Variants in NUP50 observed in about 807,000 individuals in gnomAD.
NUP50 encodes nuclear pore complex protein Nup50.
NUP50 carries 14 observed loss-of-function variants against 36.8 expected under a neutral mutation model. That is an observed-to-expected ratio of 0.38 (90% CI 0.25 to 0.59). The LOEUF is 0.59. Ranked by LOEUF, NUP50 falls within the 20% of genes least tolerant of loss-of-function variation. The probability of loss-of-function intolerance (pLI) is 0.63; values close to 1 mark genes in which losing one functional copy is unlikely to be tolerated. For missense variants in NUP50, 455 were observed against 564.6 expected (o/e 0.81, Z 1.97); for synonymous variants, 195 against 210.8 (o/e 0.93, Z 0.65).
rs1345479002 is a variant in NUP50, at chr22:45,186,982, T to TA, written c.*2328dup. 6.6e-6 allele frequency: 1 copy of TA among 152,230 alleles called. No homozygotes were observed. Among genetic ancestry groups the TA allele is most frequent in the Non-Finnish European group, 1.5e-5 (1 of 68,046 alleles). 9.4% of individuals were successfully genotyped at this position (152,230 alleles called of 1,614,324 possible). ...AACAGGTAATTCTGATTTATGCGTT[T>TA]AGTTTGACTTATTTTTAACAAAATA... On this transcript the variant is annotated 3_prime_UTR_variant, in exon 8 of 8. Coordinates refer to ENST00000347635, the MANE Select transcript of NUP50 (RefSeq NM_007172.4).
Position 45,175,935 on chromosome 22 carries a change from G to C in NUP50, c.195G>C (p.Val65=). The C allele has an allele frequency of 6.2e-7, 1 of 1,614,046 alleles. No homozygotes were observed. The highest frequency in any genetic ancestry group is 8.5e-7 in the Non-Finnish European group (1 of 1,180,010). ...GGAFKGFKGL[V]VPSGGGRFSG... ...CCTTTAAAGGTTTTAAAGGTTTGGT[G>C]GTACCTTCTGGAGGAGGACGCTTTT... is the stretch of plus-strand genomic sequence containing the variant. The change falls in exon 4 of 8, where the codon GTG becomes GTC. Residue 65 remains valine (V), a synonymous_variant. Coordinates refer to ENST00000347635, the MANE Select transcript of NUP50 (RefSeq NM_007172.4).
At chr22:45,173,839 C>T (rs1252972043) in intron 3 of NUP50, among the ~76,000 whole-genome samples, 1 of 152,148 alleles carries the variant, frequency 6.6e-6, no homozygotes, top group Non-Finnish European at 1.5e-5. Context: ...CCTTGGGCAA[C>T]TAAGGGAAAT....
chr22:45,182,623 G>GGTT (rs766996077), intron 6 of NUP50, among the ~76,000 whole-genome samples: 2 of 95,942 alleles, frequency 2.1e-5, no homozygotes, highest in Non-Finnish European at 3.8e-5. Flanking sequence ...CTTGAGGTTT[G>GGTT]TTTTTTTTTT....
chr22:45,166,026 A>T (rs546672626), intron 1 of NUP50: 4 of 152,300 alleles, frequency 2.6e-5, no homozygotes, highest in Middle Eastern at 3.4e-3. Flanking sequence ...CAGACAGGAC[A>T]CCTGCTGTTT....
intron 7 of NUP50, 155 bp downstream of exon 7, chr22:45,183,675 A>T: frequency 1.6e-6 from 1 of 613,184 alleles, no homozygotes; most frequent in Admixed American, 2.7e-5. Context: ...GAGTCCCAGG[A>T]TAATAGTGTG....
At chr22:45,178,151 G>GA (rs1412874105) in intron 4 of NUP50, 87 bp from the exon 5 acceptor site, 1 of 1,209,320 alleles carries the variant, frequency 8.3e-7, no homozygotes, top group African/African-American at 1.5e-5. Flanking sequence ...AGTAAAAGCA[G>GA]AAAGTATGAA....
chr22:45,177,997 G>T lies in NUP50; in HGVS notation c.341-241G>T, dbSNP rs1001403572. ...AAAAATTAGCCGGGTGTGGTGGCGG[G>T]TGCCCGTAATCCCACCTACTCGGGA... On this transcript the variant is annotated intron_variant, in intron 4 of 7. Transcript: ENST00000347635. The T allele has an allele frequency of 3.2e-5, 15 of 461,918 alleles. 1 individual carries two copies. The South Asian group carries it at 3.9e-4, about 12-fold the overall frequency. 28.6% of individuals were successfully genotyped at this position (461,918 alleles called of 1,614,324 possible).
chr22:45,182,774 G>GCCA (rs775989564), intron 6 of NUP50, among the ~76,000 whole-genome samples: 408 of 151,614 alleles, frequency 2.7e-3, no homozygotes, highest in Middle Eastern at 6.8e-3. Flanking sequence ...ACAGGTGCCC[G>GCCA]CCACCACGCT....
At chr22:45,172,728 A>C (rs2074215198) in intron 3 of NUP50, among the ~76,000 whole-genome samples, 1 of 152,218 alleles carries the variant, frequency 6.6e-6, no homozygotes, top group Non-Finnish European at 1.5e-5. Context: ...TTAAAGTTTG[A>C]AAACGTAAGG....
Position 45,163,954 on chromosome 22 carries a change from G to C in NUP50, c.-353G>C, listed in dbSNP as rs1332157131. ...GCGCGCTTGCGCAGTAGCTGAACGC[G>C]GGCGTTTCTTTCCTCCCTTTTTTTC... On this transcript the variant is annotated 5_prime_UTR_variant, in exon 1 of 8. Transcript: ENST00000347635. 6 of 152,272 alleles carry C rather than the reference G, an allele frequency of 3.9e-5. No homozygotes were observed. The highest frequency in any genetic ancestry group is 8.8e-5 in the Non-Finnish European group (6 of 68,046). The allele number at this position is 152,272 out of a possible 1,614,324, so 9.4% of individuals were successfully genotyped here.
chr22:45,176,481 C>T (rs894091884), intron 4 of NUP50, among the ~76,000 whole-genome samples: 3 of 152,168 alleles, frequency 2.0e-5, no homozygotes, highest in Admixed American at 6.5e-5. Flanking sequence ...AACTCAGATG[C>T]GGTTCTCCGT....
intron 7 of NUP50, 43 bp from the exon 8 acceptor site, chr22:45,184,410 A>C: frequency 6.4e-7 from 1 of 1,553,574 alleles, no homozygotes; most frequent in Non-Finnish European, 8.9e-7. Context: ...TGGTGGAGCT[A>C]TAGCTTCTAT....
intron 6 of NUP50, among the ~76,000 whole-genome samples, chr22:45,183,041 T>C (rs1404175334): frequency 3.2e-5 from 4 of 124,222 alleles, no homozygotes; most frequent in Non-Finnish European, 6.4e-5. Context: ...AGATCGGCGA[T>C]CTTGAGCTCA....
In NUP50 at chr22:45,178,322, C is replaced by G. The variant is rs1006110340; in HGVS notation, c.425C>G (p.Ser142Cys). Reference protein sequence around the residue: ...KTNGDSQQPSSSGLASSKACV... With the variant: ...KTNGDSQQPSCSGLASSKACV... ...AATGGGGACAGTCAGCAGCCCTCCT[C>G]CTCTGGCCTTGCTTCCAGTAAAGCT... Residue 142 changes from serine to cysteine, a missense_variant, in exon 5 of 8, where the codon TCC becomes TGC. Transcript: ENST00000347635. The G allele has an allele frequency of 1.2e-6, 2 of 1,614,030 alleles. No individual in the cohort carries two copies. The highest frequency in any genetic ancestry group is 1.1e-5 in the South Asian group (1 of 91,084).
At chr22:45,184,007 TC>T (rs2074426755) in intron 7 of NUP50, 1 of 202,652 alleles carries the variant, frequency 4.9e-6, no homozygotes, top group African/African-American at 2.4e-5. Context: ...CATTTTTCTT[TC>T]CCGTGGGCTT....
rs916921410 is a variant in NUP50 at position 45,184,830 on chromosome 22, A to G, written c.*175A>G. 9 of 619,314 alleles carry G rather than the reference A, an allele frequency of 1.5e-5. No homozygotes were observed. Among genetic ancestry groups the G allele is most frequent in the Non-Finnish European group, 2.0e-5 (7 of 342,594 alleles). The allele number at this position is 619,314 out of a possible 1,614,324, so 38.4% of individuals were successfully genotyped here. A position where few individuals can be genotyped will look rare whatever the true frequency, so the allele number is the denominator to read the frequency against. On this transcript the variant is annotated 3_prime_UTR_variant, in exon 8 of 8. Coordinates refer to ENST00000347635, the MANE Select transcript of NUP50 (RefSeq NM_007172.4). The stretch of plus-strand genomic sequence containing the variant: ...ACCTTTAAATGTTAAGTGTCAAGAA[A>G]CTGCACTCTCCCTTCTTAAGAACTG...
intron 1 of NUP50, among the ~76,000 whole-genome samples, chr22:45,167,247 G>T (rs1428010324): frequency 6.6e-6 from 1 of 152,234 alleles, no homozygotes; most frequent in Non-Finnish European, 1.5e-5. Flanking sequence ...TTTGGGCGAG[G>T]TGGGTAGCAG....
At chr22:45,183,035 C>G (rs12170789) in intron 6 of NUP50, among the ~76,000 whole-genome samples, 2 of 123,422 alleles carry the variant, frequency 1.6e-5, no homozygotes, top group Admixed American at 1.1e-4. Flanking sequence ...AGGACCAGAT[C>G]GGCGATCTTG....
intron 1 of NUP50, among the ~76,000 whole-genome samples, chr22:45,167,199 A>T (rs1419975251): frequency 1.3e-5 from 2 of 152,214 alleles, no homozygotes; most frequent in African/African-American, 4.8e-5. Context: ...GGCAGGTTTA[A>T]CAAGACCTGG....
Sources: gnomAD v4.1 joint callset for allele counts (sites outside exome capture counted in the v4.1 genomes callset) on GRCh38, gnomAD v4.1.1 for gene constraint, MANE v1.5 for transcripts, NCBI Gene and HGNC (gene_info 2026-07-23, HGNC 2026-07-21) for gene names.